FBXO25: variants seen among roughly 807,000 people sequenced by gnomAD.
FBXO25 encodes the protein F-box only protein 25.
FBXO25 carries 45 observed loss-of-function variants against 51.9 expected under a neutral mutation model. The observed-to-expected ratio is 0.87, with a 90% CI of 0.68 to 1.11. The LOEUF is 1.11. FBXO25 is among the 50% of genes most tolerant of loss of function. FBXO25 has a pLI of 0.00. For synonymous variants in FBXO25, 199 were observed against 151.0 expected (o/e 1.32, Z -2.33); for missense variants, 507 against 428.5 (o/e 1.18, Z -1.62).
intron 2 of FBXO25, among the ~76,000 whole-genome samples, chr8:420,232 C>T (rs1797067069): frequency 6.6e-6 from 1 of 152,114 alleles, no homozygotes; most frequent in African/African-American, 2.4e-5. Context: ...TCATAAGGTA[C>T]CAGCAGAGGC....
chr8:409,249 T>C lies in FBXO25; in HGVS notation c.-8+2183T>C, dbSNP rs139063944. ...GTTCATGAGCTGTATAGATTATGCT[T>C]TAAGAAAAACTTCATTGTGATCCAT... On this transcript the variant is annotated intron_variant, in intron 1 of 9. Coordinates refer to ENST00000350302, the MANE Select transcript of FBXO25 (RefSeq NM_183420.2). Among the ~76,000 whole-genome samples the C allele has an allele frequency of 7.5e-4, 114 of 152,314 alleles. 1 individual carries two copies. Among genetic ancestry groups the C allele is most frequent in the African/African-American group, 2.5e-3 (106 of 41,570 alleles).
chr8:460,184 TGA>T (rs1172232979), intron 8 of FBXO25, among the ~76,000 whole-genome samples: 1 of 152,156 alleles, frequency 6.6e-6, no homozygotes. Context: ...AAGGCGTTAA[TGA>T]GAGTGCCTGG....
chr8:416,086 T>C (rs1402460011), intron 2 of FBXO25, among the ~76,000 whole-genome samples: 1 of 152,208 alleles, frequency 6.6e-6, no homozygotes, highest in Admixed American at 6.5e-5. Flanking sequence ...CTCATTTATT[T>C]GCTTTTTTCA....
At chr8:416,671 A>G (rs1481637301) in intron 2 of FBXO25, among the ~76,000 whole-genome samples, 1 of 152,192 alleles carries the variant, frequency 6.6e-6, no homozygotes, top group Non-Finnish European at 1.5e-5. Context: ...TTTGTTGGGT[A>G]GATAAAATCT....
chr8:415,862 T>C (rs1231530463), intron 2 of FBXO25, among the ~76,000 whole-genome samples: 2 of 152,234 alleles, frequency 1.3e-5, no homozygotes, highest in African/African-American at 4.8e-5. Flanking sequence ...TTTAAGAATT[T>C]CTAACCTTTT....
At chr8:437,247 G>A (rs1406833249) in intron 5 of FBXO25, among the ~76,000 whole-genome samples, 1 of 152,184 alleles carries the variant, frequency 6.6e-6, no homozygotes, top group East Asian at 1.9e-4. Flanking sequence ...AAATTAAAAT[G>A]TGCTGTGCAC....
chr8:462,969 A>G (rs775594531), intron 8 of FBXO25, 38 bp from the exon 9 acceptor site: 3 of 1,577,796 alleles, frequency 1.9e-6, no homozygotes, highest in African/African-American at 1.4e-5. Context: ...TTTGAAAGTC[A>G]TCTTATGCGG....
chr8:431,251 A>G (rs1797804058), intron 2 of FBXO25, 90 bp from the exon 3 acceptor site: 3 of 669,450 alleles, frequency 4.5e-6, no homozygotes, highest in Non-Finnish European at 7.7e-6. Context: ...ACAGTCTGTC[A>G]CTTTGAAGTA....
chr8:413,474 A>G (rs1338870478), intron 2 of FBXO25, among the ~76,000 whole-genome samples: 3 of 152,098 alleles, frequency 2.0e-5, no homozygotes, highest in East Asian at 3.8e-4. Flanking sequence ...TTTTAATCCC[A>G]CATTATAGCT....
chr8:471,056 C>T lies in FBXO25; in HGVS notation c.*2252C>T, dbSNP rs888831212. ...GCTGTGCTATCAAATCACAGATGTG[C>T]ATTTAACTTGTATAAATTGAGCAGT... On this transcript the variant is annotated 3_prime_UTR_variant, in exon 10 of 10. Transcript: ENST00000350302. 13 of 152,186 alleles carry T rather than the reference C, an allele frequency of 8.5e-5. No homozygotes were observed. The highest frequency in any genetic ancestry group is 2.4e-4 in the African/African-American group (10 of 41,440). 9.4% of individuals were successfully genotyped at this position (152,186 alleles called of 1,614,324 possible). A position where few individuals can be genotyped will look rare whatever the true frequency, so the allele number is the denominator to read the frequency against.
chr8:444,789 C>G (rs374854874), intron 5 of FBXO25, among the ~76,000 whole-genome samples: 20 of 152,108 alleles, frequency 1.3e-4, no homozygotes, highest in African/African-American at 2.9e-4. Context: ...TATACAGATA[C>G]TTGCCATTAT....
chr8:451,778 A>T (rs113731543), intron 7 of FBXO25, among the ~76,000 whole-genome samples: 12 of 152,218 alleles, frequency 7.9e-5, no homozygotes, highest in African/African-American at 2.9e-4. Flanking sequence ...TTGTGTTGCC[A>T]GTAATTCTCT....
rs1489506555 is a variant in FBXO25, at chr8:431,583, T to G, written c.238+139T>G. The G allele has an allele frequency of 4.6e-5, 24 of 517,944 alleles. No individual in the cohort carries two copies. The East Asian group carries it at 8.3e-4, about 18-fold the overall frequency. The allele number at this position is 517,944 out of a possible 1,614,324, so 32.1% of individuals were successfully genotyped here. On this transcript the variant is annotated intron_variant, in intron 3 of 9. Transcript: ENST00000350302. ...CCAGTATCCAGCATTGCCTACAGAT[T>G]TAGTGATCAAACTTTTTGCAGCTCA...
chr8:415,202 T>G (rs1194291991), intron 2 of FBXO25, among the ~76,000 whole-genome samples: 1 of 152,204 alleles, frequency 6.6e-6, no homozygotes, highest in Non-Finnish European at 1.5e-5. Flanking sequence ...AAAAATAATT[T>G]AGGTAATCAA....
At chr8:468,086 A>G in intron 9 of FBXO25, 1 of 1,105,708 alleles carries the variant, frequency 9.0e-7, no homozygotes, top group Non-Finnish European at 1.1e-6. Flanking sequence ...GGTCCCGTTT[A>G]CCTGCGTTCC....
chr8:415,210 C>T (rs1796723452), intron 2 of FBXO25, among the ~76,000 whole-genome samples: 1 of 152,086 alleles, frequency 6.6e-6, no homozygotes, highest in Non-Finnish European at 1.5e-5. Context: ...TTTAGGTAAT[C>T]AAGATTCTAC....
At chr8:430,171 A>G (rs938678392) in intron 2 of FBXO25, among the ~76,000 whole-genome samples, 5 of 152,232 alleles carry the variant, frequency 3.3e-5, no homozygotes, top group Non-Finnish European at 5.9e-5. Context: ...TTCCTTTGAT[A>G]TGTTTGTAAT....
At chr8:423,904 C>T (rs918402012) in intron 2 of FBXO25, among the ~76,000 whole-genome samples, 1 of 152,152 alleles carries the variant, frequency 6.6e-6, no homozygotes, top group African/African-American at 2.4e-5. Context: ...ATTTACATTC[C>T]CGTCAACAGT....
intron 9 of FBXO25, among the ~76,000 whole-genome samples, chr8:465,317 A>T (rs73173387): frequency 0.05 from 7,670 of 152,250 alleles, 219 homozygotes; most frequent in African/African-American, 0.06. Flanking sequence ...GTAGTTTCTA[A>T]TTTGAGTTAG....
Sources: gnomAD v4.1 joint callset for allele counts (sites outside exome capture counted in the v4.1 genomes callset) on GRCh38, gnomAD v4.1.1 for gene constraint, MANE v1.5 for transcripts, NCBI Gene and HGNC (gene_info 2026-07-23, HGNC 2026-07-21) for gene names.